The following COL25A1 variants were observed in gnomAD, a reference collection of about 807,000 sequenced individuals.
COL25A1 encodes collagen alpha-1(XXV) chain.
A neutral mutation model predicts 128.4 loss-of-function variants in COL25A1; 103 were observed. That is an observed-to-expected ratio of 0.80 (90% CI 0.68 to 0.94). The LOEUF is 0.94. Among genes scored for constraint, COL25A1 ranks in the 40% least tolerant of loss-of-function variants. The probability of loss-of-function intolerance (pLI) is 0.00; values close to 1 mark genes in which losing one functional copy is unlikely to be tolerated. For missense variants in COL25A1, 745 were observed against 840.0 expected, an observed-to-expected ratio of 0.89 and a Z score of 1.40; for synonymous variants, 279 against 277.2, an observed-to-expected ratio of 1.01 and a Z score of -0.06.
chr4:109,093,023 C>T (rs1190820592), intron 3 of COL25A1, among the ~76,000 whole-genome samples: 3 of 151,700 alleles, frequency 2.0e-5, no homozygotes, highest in African/African-American at 7.3e-5. Context: ...AGTAAAATTA[C>T]AGTCACTTTT....
intron 3 of COL25A1, among the ~76,000 whole-genome samples, chr4:109,203,991 C>T (rs557751250): frequency 6.6e-6 from 1 of 152,090 alleles, no homozygotes; most frequent in Non-Finnish European, 1.5e-5. Flanking sequence ...AGAATAAAAT[C>T]TTCATCTATA....
chr4:109,072,119 G>A (rs1763021592), intron 3 of COL25A1, among the ~76,000 whole-genome samples: 1 of 152,086 alleles, frequency 6.6e-6, no homozygotes, highest in Non-Finnish European at 1.5e-5. Flanking sequence ...TGGGCTAAGA[G>A]GAGTCGAAAA....
intron 19 of COL25A1, among the ~76,000 whole-genome samples, chr4:108,872,141 G>A (rs923213160): frequency 1.3e-5 from 2 of 152,146 alleles, no homozygotes; most frequent in South Asian, 2.1e-4. Context: ...TAGGCCAGGC[G>A]TGGTGGCTCA....
chr4:109,262,160 C>T (rs1036575115), intron 3 of COL25A1, among the ~76,000 whole-genome samples: 1 of 152,096 alleles, frequency 6.6e-6, no homozygotes, highest in African/African-American at 2.4e-5. Context: ...ATTTCTGCAT[C>T]CTCCCACACA....
chr4:108,869,247 T>C (rs1331659056), intron 19 of COL25A1, 97 bp from the exon 20 acceptor site: 24 of 700,126 alleles, frequency 3.4e-5, no homozygotes, highest in Non-Finnish European at 5.4e-5. Flanking sequence ...TTTCTTCTAC[T>C]GAGATTTTAC....
intron 3 of COL25A1, among the ~76,000 whole-genome samples, chr4:109,234,752 T>C (rs900745206): frequency 7.9e-5 from 12 of 152,122 alleles, no homozygotes; most frequent in African/African-American, 2.9e-4. Flanking sequence ...AACAATCTGA[T>C]GAATTTTTAT....
Position 109,301,158 on chromosome 4 carries a change from T to C in COL25A1, c.298-506A>G, listed in dbSNP as rs17040313. Among the ~76,000 whole-genome samples the C allele has an allele frequency of 3.0e-3, 460 of 152,168 alleles. 2 individuals are homozygous for C. The highest frequency in any genetic ancestry group is 0.01 in the African/African-American group (433 of 41,496). ...CCTCTCAACTCTCAATTCCAAGGGCTCTGCATTCATAAATACCCCGGCACT... is the reference window on the plus strand; with the variant it reads ...CCTCTCAACTCTCAATTCCAAGGGCCCTGCATTCATAAATACCCCGGCACT... On this transcript the variant is annotated intron_variant, in intron 2 of 37. Transcript: ENST00000399132.
intron 6 of COL25A1, among the ~76,000 whole-genome samples, chr4:109,000,743 C>CAAAAAAAAAAA (rs1180104512): frequency 5.5e-5 from 2 of 36,422 alleles, no homozygotes; most frequent in Non-Finnish European, 9.4e-5. Flanking sequence ...GAGACTCTGT[C>CAAAAAAAAAAA]AAAAAAAAAA....
intron 8 of COL25A1, among the ~76,000 whole-genome samples, chr4:108,968,194 C>G (rs1157419799): frequency 6.6e-6 from 1 of 152,098 alleles, no homozygotes; most frequent in African/African-American, 2.4e-5. Flanking sequence ...TATATTACAC[C>G]TAAAACTGTA....
At chr4:108,966,979 A>G (rs1439958360) in intron 8 of COL25A1, among the ~76,000 whole-genome samples, 1 of 152,122 alleles carries the variant, frequency 6.6e-6, no homozygotes, top group Non-Finnish European at 1.5e-5. Flanking sequence ...AAAAGAAAGA[A>G]AAGTTTTATT....
chr4:109,070,781 C>T lies in COL25A1; in HGVS notation c.368-20602G>A, dbSNP rs190960458. Among the ~76,000 whole-genome samples, 1,176 of 148,624 alleles carry T rather than the reference C, an allele frequency of 7.9e-3. 17 individuals are homozygous for T. The highest frequency in any genetic ancestry group is 0.028 in the African/African-American group (1,128 of 40,288). On this transcript the variant is annotated intron_variant, in intron 3 of 37. Coordinates refer to ENST00000399132, the MANE Select transcript of COL25A1 (RefSeq NM_198721.4). ...ATTCCCAACTATGAGTGAGAACATG[C>T]GGTGTTTGGTTTTTTGTCCTTGCGA...
intron 14 of COL25A1, among the ~76,000 whole-genome samples, chr4:108,900,526 G>T (rs1018556664): frequency 1.3e-5 from 2 of 152,036 alleles, no homozygotes; most frequent in African/African-American, 2.4e-5. Flanking sequence ...AAACTAAATT[G>T]TCCCCAATCT....
intron 11 of COL25A1, among the ~76,000 whole-genome samples, chr4:108,936,823 A>ATATATATATATC (rs35718238): frequency 1.4e-5 from 2 of 147,324 alleles, no homozygotes; most frequent in African/African-American, 5.0e-5. Context: ...ATATATATAT[A>ATATATATATATC]TTTAGAGACA....
At chr4:108,849,968 T>C (rs1377107124) in intron 26 of COL25A1, among the ~76,000 whole-genome samples, 1 of 152,120 alleles carries the variant, frequency 6.6e-6, no homozygotes. Flanking sequence ...CTTTTCTTAT[T>C]TCAGGTTTCC....
chr4:109,118,085 C>T (rs1767770530), intron 3 of COL25A1, among the ~76,000 whole-genome samples: 1 of 151,844 alleles, frequency 6.6e-6, no homozygotes, highest in African/African-American at 2.4e-5. Context: ...TCACTTTAAA[C>T]ATCAGTGGTC....
intron 3 of COL25A1, among the ~76,000 whole-genome samples, chr4:109,269,566 C>A (rs1403138446): frequency 1.3e-5 from 2 of 149,944 alleles, no homozygotes; most frequent in African/African-American, 5.0e-5. Context: ...AAAAGTGTTC[C>A]TATTTCTCCA....
Position 108,950,667 on chromosome 4 carries a change from G to A in COL25A1, c.493-9230C>T, listed in dbSNP as rs183045072. Among the ~76,000 whole-genome samples the A allele has an allele frequency of 1.4e-4, 22 of 152,336 alleles. No individual in the cohort carries two copies. The East Asian group carries it at 4.1e-3, about 28-fold the overall frequency. On this transcript the variant is annotated intron_variant, in intron 8 of 37. Transcript: ENST00000399132. The stretch of plus-strand genomic sequence containing the variant: ...GACTCTGTTCTTCAACTTGGGCAAG[G>A]TCAGGATAAGGGCAATGGCAAAGGG...
chr4:109,176,518 GA>G (rs1774117249), intron 3 of COL25A1, among the ~76,000 whole-genome samples: 1 of 152,096 alleles, frequency 6.6e-6, no homozygotes. Context: ...AGGGTGAAAA[GA>G]AAAAGTGAAA....
At chr4:109,170,706 A>T (rs1007526265) in intron 3 of COL25A1, among the ~76,000 whole-genome samples, 1 of 152,174 alleles carries the variant, frequency 6.6e-6, no homozygotes, top group Non-Finnish European at 1.5e-5. Flanking sequence ...ATTCCTTAAA[A>T]TGAATAACAC....
Sources: allele counts gnomAD v4.1 joint callset (sites outside exome capture counted in the v4.1 genomes callset), GRCh38; gene constraint gnomAD v4.1.1; transcripts MANE v1.5; gene names NCBI Gene and HGNC (gene_info 2026-07-23, HGNC 2026-07-21).